The following TCHP variants were observed in gnomAD, a reference collection of about 807,000 sequenced individuals.
TCHP encodes trichoplein keratin filament-binding protein.
Under a neutral mutation model 88.7 loss-of-function variants are expected in TCHP, and 81 were observed. That is an observed-to-expected ratio of 0.91 (90% CI 0.76 to 1.10). The LOEUF is 1.10. Among genes scored for constraint, TCHP ranks in the 50% least tolerant of loss-of-function variants. The pLI is 0.00. For missense variants in TCHP, 641 were observed against 632.1 expected (o/e 1.01, Z -0.15); for synonymous variants, 232 against 232.5 (o/e 1.00, Z 0.02).
chr12:109,908,585 G>T lies in TCHP; in HGVS notation c.700-1G>T. 1 of 1,594,664 alleles carries T rather than the reference G, an allele frequency of 6.3e-7. No homozygotes were observed. On this transcript the variant is annotated splice_acceptor_variant, in intron 6 of 12. Coordinates refer to ENST00000405876, the MANE Select transcript of TCHP (RefSeq NM_001143852.2). LOFTEE classifies it high-confidence loss of function. ...CGAGCTTACTCTCATCATCACCACA[G>T]GCGACCAAACTAAAGAAGGAGCAGG...
chr12:109,901,200 C>T (rs1869770172), intron 1 of TCHP: 1 of 152,250 alleles, frequency 6.6e-6, no homozygotes, highest in South Asian at 2.1e-4. Context: ...CTCAGACGGA[C>T]ATGAATTAGG....
In TCHP at chr12:109,916,962, C is replaced by G. The variant is rs1870854449; in HGVS notation, c.*339C>G. 4.3e-6 allele frequency: 1 copy of G among 234,992 alleles called. No homozygotes were observed. The highest frequency in any genetic ancestry group is 8.7e-5 in the East Asian group (1 of 11,436). The allele number at this position is 234,992 out of a possible 1,614,324, so 14.6% of individuals were successfully genotyped here. Reference sequence around the variant, plus strand: ...TACCTGTGATGGGGCGTGTGGTTTCCTGTTGTCTCACCTTTAATTGTCAAC... The same window carrying G: ...TACCTGTGATGGGGCGTGTGGTTTCGTGTTGTCTCACCTTTAATTGTCAAC... On this transcript the variant is annotated 3_prime_UTR_variant, in exon 13 of 13. Transcript: ENST00000405876.
chr12:109,881,533 T>C, the TCHP span, among the ~76,000 whole-genome samples: 52 of 152,258 alleles, frequency 3.4e-4, no homozygotes, highest in Non-Finnish European at 6.2e-4. Context: ...AGCAGAGCTC[T>C]TGAGCCTCTA....
intron 1 of TCHP, chr12:109,900,981 C>G (rs1202236165): frequency 6.6e-6 from 1 of 152,282 alleles, no homozygotes; most frequent in African/African-American, 2.4e-5. Flanking sequence ...TCTCTGCTTT[C>G]AAGGCTCCAG....
the TCHP span, among the ~76,000 whole-genome samples, chr12:109,889,970 G>A: frequency 2.6e-5 from 4 of 152,288 alleles, no homozygotes; most frequent in African/African-American, 7.2e-5. Context: ...AGGCGCACCC[G>A]CCAACAGGCC....
chr12:109,914,803 T>C (rs1214368321), intron 11 of TCHP, 176 bp downstream of exon 11: 3 of 570,392 alleles, frequency 5.3e-6, no homozygotes, highest in Non-Finnish European at 3.1e-6. Flanking sequence ...CTTCTTTCCC[T>C]CCACATCCTC....
At chr12:109,893,878 A>C in the TCHP span, among the ~76,000 whole-genome samples, 4 of 152,124 alleles carry the variant, frequency 2.6e-5, no homozygotes, top group African/African-American at 9.7e-5. Flanking sequence ...AGAGAGAGAA[A>C]TATGGGCTAA....
chr12:109,882,556 C>A, the TCHP span, among the ~76,000 whole-genome samples: 2 of 147,988 alleles, frequency 1.4e-5, no homozygotes, highest in Admixed American at 6.8e-5. Flanking sequence ...TAAGTGAGGG[C>A]AAGAGTGAGT....
intron 4 of TCHP, 144 bp from the exon 5 acceptor site, chr12:109,906,428 T>C (rs1870126445): frequency 1.5e-6 from 1 of 654,534 alleles, no homozygotes; most frequent in Non-Finnish European, 2.7e-6. Context: ...CCACGCTCTC[T>C]ACTAGACGCC....
the TCHP span, among the ~76,000 whole-genome samples, chr12:109,887,112 T>C: frequency 6.6e-6 from 1 of 152,220 alleles, no homozygotes; most frequent in African/African-American, 2.4e-5. Flanking sequence ...GTTCCTATAG[T>C]CTTCTATCCG....
intron 11 of TCHP, 51 bp downstream of exon 11, chr12:109,914,678 A>G (rs766904798): frequency 1.3e-6 from 2 of 1,510,274 alleles, no homozygotes; most frequent in Non-Finnish European, 1.8e-6. Flanking sequence ...GGTTCTCTGC[A>G]TCATCATGGG....
chr12:109,884,338 G>A, the TCHP span, among the ~76,000 whole-genome samples: 13 of 151,948 alleles, frequency 8.6e-5, no homozygotes, highest in African/African-American at 2.2e-4. Context: ...ACAGGCGCCC[G>A]CCACCACACC....
intron 4 of TCHP, among the ~76,000 whole-genome samples, chr12:109,906,041 ATGT>A (rs1870106962): frequency 6.6e-6 from 1 of 152,178 alleles, no homozygotes; most frequent in Admixed American, 6.5e-5. Flanking sequence ...TTTGGATTGA[ATGT>A]TGTGATCCAT....
chr12:109,903,855 C>A lies in TCHP; in HGVS notation c.189-82C>A. 8.7e-7 allele frequency: 1 copy of A among 1,155,762 alleles called. No individual in the cohort carries two copies. The highest frequency in any genetic ancestry group is 1.3e-6 in the Non-Finnish European group (1 of 790,992). 71.6% of individuals were successfully genotyped at this position (1,155,762 alleles called of 1,614,324 possible). ...TGTCGTCATGACACATCTACCTCAG[C>A]CTCTTTTACCGACACAGCAGAGCAG... On this transcript the variant is annotated intron_variant, in intron 2 of 12. Transcript: ENST00000405876. This position sits in a 1 kb window ranked among gnomAD's most constrained non-coding sequence, Gnocchi z 4.6.
chr12:109,905,596 G>C lies in TCHP; in HGVS notation c.456+803G>C, dbSNP rs985070296. ...CTTGTTCAGTGGAGATTTGGCTGCA[G>C]GGAGATCATCCCTCACTGTTATTCA... On this transcript the variant is annotated intron_variant, in intron 4 of 12. Transcript: ENST00000405876. This position sits in a 1 kb window ranked among gnomAD's most constrained non-coding sequence, Gnocchi z 4.0. Among the ~76,000 whole-genome samples, 2 of 152,206 alleles carry C rather than the reference G, an allele frequency of 1.3e-5. No homozygotes were observed. The highest frequency in any genetic ancestry group is 4.8e-5 in the African/African-American group (2 of 41,448).
At position 109,914,628 on chromosome 12, in the gene TCHP, G is replaced by A. The variant is rs749132760; in HGVS notation, c.1320+1G>A. 54 of 1,609,826 alleles carry A rather than the reference G, an allele frequency of 3.4e-5. No homozygotes were observed. Among genetic ancestry groups the A allele is most frequent in the African/African-American group, 6.7e-5 (5 of 74,864 alleles). Reference sequence around the variant, plus strand: ...CAGGAAGCAGGAGCTGGAAGCCCAGGTAGGGCTGAGCCCAAGGGCGGGAGG... The same window carrying A: ...CAGGAAGCAGGAGCTGGAAGCCCAGATAGGGCTGAGCCCAAGGGCGGGAGG... On this transcript the variant is annotated splice_donor_variant, in intron 11 of 12. Coordinates refer to ENST00000405876, the MANE Select transcript of TCHP (RefSeq NM_001143852.2). LOFTEE classifies it high-confidence loss of function.
intron 1 of TCHP, among the ~76,000 whole-genome samples, chr12:109,902,388 C>T (rs1592904879): frequency 1.3e-5 from 2 of 151,890 alleles, no homozygotes; most frequent in Non-Finnish European, 2.9e-5. Flanking sequence ...CTCCAACTCC[C>T]GGCCTCAAGT....
intron 11 of TCHP, 88 bp downstream of exon 11, chr12:109,914,715 T>A: frequency 8.6e-7 from 1 of 1,162,792 alleles, no homozygotes; most frequent in Non-Finnish European, 1.2e-6. Context: ...CTGGACTGCC[T>A]GGCAGGGCTT....
chr12:109,891,671 G>A, the TCHP span, among the ~76,000 whole-genome samples: 24 of 151,412 alleles, frequency 1.6e-4, no homozygotes, highest in African/African-American at 5.6e-4. Flanking sequence ...AAAGTGCTGG[G>A]TTTATAGGTG....
Sources: allele counts gnomAD v4.1 joint callset (sites outside exome capture counted in the v4.1 genomes callset), GRCh38; gene constraint gnomAD v4.1.1; non-coding constraint Gnocchi (gnomAD v3.1); transcripts MANE v1.5; gene names NCBI Gene and HGNC (gene_info 2026-07-23, HGNC 2026-07-21).